GRIN2B: variants seen among roughly 807,000 people sequenced by gnomAD.
The protein encoded by GRIN2B is glutamate receptor ionotropic, NMDA 2B.
In GRIN2B, 5 loss-of-function variants were observed where a neutral mutation model predicts 114.5. The observed-to-expected ratio is 0.04, with a 90% CI of 0.02 to 0.09. The LOEUF (loss-of-function observed/expected upper bound fraction) is 0.09, where lower values mean the gene tolerates loss of function less well. GRIN2B is among the 10% of genes least tolerant of loss of function. The probability of loss-of-function intolerance (pLI) is 1.00; values close to 1 mark genes in which losing one functional copy is unlikely to be tolerated. For missense variants in GRIN2B, 1,108 were observed against 1,943.5 expected, an observed-to-expected ratio of 0.57 and a Z score of 8.08; for synonymous variants, 787 against 745.1, an observed-to-expected ratio of 1.06 and a Z score of -0.92.
intron 3 of GRIN2B, among the ~76,000 whole-genome samples, chr12:13,779,340 G>C (rs1017041262): frequency 2.0e-5 from 3 of 152,266 alleles, no homozygotes; most frequent in Admixed American, 2.0e-4. Flanking sequence ...CACTGTGCCT[G>C]GCCTGGTCCT....
intron 3 of GRIN2B, among the ~76,000 whole-genome samples, chr12:13,845,501 T>G (rs1455572218): frequency 6.6e-6 from 1 of 152,180 alleles, no homozygotes; most frequent in Admixed American, 6.5e-5. Context: ...TAGAGAGGAC[T>G]GGTATTTTGT....
intron 3 of GRIN2B, among the ~76,000 whole-genome samples, chr12:13,849,060 A>G (rs948470785): frequency 6.6e-6 from 1 of 152,200 alleles, no homozygotes; most frequent in South Asian, 2.1e-4. Context: ...CAATAAAATT[A>G]GTCACCAATT....
At chr12:13,727,824 C>T (rs557377378) in intron 4 of GRIN2B, among the ~76,000 whole-genome samples, 1 of 152,248 alleles carries the variant, frequency 6.6e-6, no homozygotes, top group South Asian at 2.1e-4. Flanking sequence ...CATGTTCCTA[C>T]TTATTAACAG....
Position 13,586,100 on chromosome 12 carries a change from A to G in GRIN2B, c.2011-14136T>C, listed in dbSNP as rs1948920715. ...CAATTTTTCCAGTTGACTAAGGGTT[A>G]AGCCAAAAAACTTACTTTCAACCCT... On this transcript the variant is annotated intron_variant, in intron 10 of 13. Transcript: ENST00000609686. Among the ~76,000 whole-genome samples, 3 of 152,230 alleles carry G rather than the reference A, an allele frequency of 2.0e-5. No individual in the cohort carries two copies. In the South Asian group the frequency reaches 6.2e-4, roughly 32 times the overall value.
At chr12:13,856,152 G>A (rs1865657633) in intron 3 of GRIN2B, among the ~76,000 whole-genome samples, 1 of 152,184 alleles carries the variant, frequency 6.6e-6, no homozygotes, top group African/African-American at 2.4e-5. Flanking sequence ...CAAGGGGTGG[G>A]CAAGGAAGAG....
At chr12:13,614,590 G>C (rs563521718) in intron 8 of GRIN2B, among the ~76,000 whole-genome samples, 69 of 152,288 alleles carry the variant, frequency 4.5e-4, no homozygotes, top group Middle Eastern at 3.4e-3. Flanking sequence ...GTGGGAGGAA[G>C]AATCAGATCA....
intron 5 of GRIN2B, among the ~76,000 whole-genome samples, chr12:13,652,491 G>A (rs1191845567): frequency 6.6e-6 from 1 of 151,968 alleles, no homozygotes. Flanking sequence ...TCTGATGTAG[G>A]AGGAGGAATA....
chr12:13,780,883 C>T (rs946331347), intron 3 of GRIN2B, among the ~76,000 whole-genome samples: 4 of 147,602 alleles, frequency 2.7e-5, no homozygotes, highest in African/African-American at 1.0e-4. Flanking sequence ...AGTTAAGTGG[C>T]ATGGTTTATA....
At position 13,624,982 on chromosome 12, in the gene GRIN2B, T is replaced by C. The variant is rs570385604; in HGVS notation, c.1126-8325A>G. ...TGCCAGGAATAGAAGTTGTTGATTC[T>C]CTCAGCACCAGAGAGCTGTTATGGT... On this transcript the variant is annotated intron_variant, in intron 5 of 13. Transcript: ENST00000609686. Among the ~76,000 whole-genome samples, 3 of 152,292 alleles carry C rather than the reference T, an allele frequency of 2.0e-5. No homozygotes were observed. In the South Asian group the frequency reaches 6.2e-4, roughly 32 times the overall value.
At chr12:13,665,016 G>T (rs1949959843) in intron 5 of GRIN2B, among the ~76,000 whole-genome samples, 1 of 152,058 alleles carries the variant, frequency 6.6e-6, no homozygotes, top group Non-Finnish European at 1.5e-5. Context: ...TCCCTTCCAT[G>T]CAATGAGGAC....
chr12:13,849,048 C>T (rs1865515127), intron 3 of GRIN2B, among the ~76,000 whole-genome samples: 1 of 152,142 alleles, frequency 6.6e-6, no homozygotes, highest in Non-Finnish European at 1.5e-5. Context: ...TAGTACTTTC[C>T]TCAATAAAAT....
intron 13 of GRIN2B, among the ~76,000 whole-genome samples, chr12:13,566,419 C>T (rs1948642048): frequency 1.3e-5 from 2 of 152,158 alleles, no homozygotes; most frequent in South Asian, 2.1e-4. Context: ...CCTAGTGTCT[C>T]ATTTTAGACT....
chr12:13,709,114 T>A (rs947227262), intron 4 of GRIN2B, among the ~76,000 whole-genome samples: 7 of 152,024 alleles, frequency 4.6e-5, no homozygotes, highest in East Asian at 3.9e-4. Context: ...GAAACCTTGA[T>A]AAAATTCATG....
At chr12:13,590,235 ATTTTAT>A (rs1205427943) in intron 10 of GRIN2B, among the ~76,000 whole-genome samples, 1 of 152,002 alleles carries the variant, frequency 6.6e-6, no homozygotes, top group Non-Finnish European at 1.5e-5. Context: ...TTATTTATTT[ATTTTAT>A]TTTAAGTTCT....
Position 13,607,382 on chromosome 12 carries a change from AT to A in GRIN2B, c.2010+1220del, listed in dbSNP as rs1345499395. On this transcript the variant is annotated intron_variant, in intron 10 of 13. Transcript: ENST00000609686. ...ATAATATATATTATATATTATATAT[AT>A]AATATATATTATATATAATATATAA... Among the ~76,000 whole-genome samples, 548 of 72,008 alleles carry A rather than the reference AT, an allele frequency of 7.6e-3. 19 individuals are homozygous for A. The highest frequency in any genetic ancestry group is 0.045 in the East Asian group (131 of 2,892). 47.2% of individuals were successfully genotyped at this position (72,008 alleles called of 152,430 possible). A position where few individuals can be genotyped will look rare whatever the true frequency, so the allele number is the denominator to read the frequency against.
chr12:13,573,215 G>T (rs187532730), intron 10 of GRIN2B, among the ~76,000 whole-genome samples: 1 of 149,592 alleles, frequency 6.7e-6, no homozygotes, highest in South Asian at 2.1e-4. Flanking sequence ...ACTTTGGGAG[G>T]CCGAGGCGGG....
chr12:13,634,725 T>C (rs1949652307), intron 5 of GRIN2B, among the ~76,000 whole-genome samples: 1 of 152,192 alleles, frequency 6.6e-6, no homozygotes, highest in African/African-American at 2.4e-5. Flanking sequence ...GTTTCTGCCA[T>C]ACTGGGCATG....
intron 3 of GRIN2B, among the ~76,000 whole-genome samples, chr12:13,843,957 T>C (rs1865428541): frequency 6.6e-6 from 1 of 152,246 alleles, no homozygotes; most frequent in African/African-American, 2.4e-5. Context: ...TTAGCCTACA[T>C]TCAACAGCTC....
At chr12:13,973,840 A>G (rs1313867899) in intron 2 of GRIN2B, among the ~76,000 whole-genome samples, 2 of 152,232 alleles carry the variant, frequency 1.3e-5, no homozygotes, top group Non-Finnish European at 2.9e-5. Context: ...TAAGGAGCAG[A>G]AAAAGATAGA....
Sources: gnomAD v4.1 joint callset for allele counts (sites outside exome capture counted in the v4.1 genomes callset) on GRCh38, gnomAD v4.1.1 for gene constraint, MANE v1.5 for transcripts, NCBI Gene and HGNC (gene_info 2026-07-23, HGNC 2026-07-21) for gene names.